ZSWIM6: variants seen among roughly 807,000 people sequenced by gnomAD.
ZSWIM6 encodes the protein zinc finger SWIM-type containing 6, also known as zinc finger SWIM domain-containing protein 6.
Under a neutral mutation model 113.2 loss-of-function variants are expected in ZSWIM6, and 9 were observed. That is an observed-to-expected ratio of 0.08 (90% CI 0.05 to 0.14). The LOEUF is 0.14. Among genes scored for constraint, ZSWIM6 ranks in the 10% least tolerant of loss-of-function variants. The pLI, the probability that ZSWIM6 is intolerant of heterozygous loss-of-function variation, is 1.00. For synonymous variants in ZSWIM6, 611 were observed against 606.5 expected (o/e 1.01, Z -0.11); for missense variants, 1,162 against 1,552.2 (o/e 0.75, Z 4.22).
chr5:61,425,720 A>G (rs555589927), intron 1 of ZSWIM6, among the ~76,000 whole-genome samples: 3 of 152,336 alleles, frequency 2.0e-5, no homozygotes, highest in Admixed American at 2.0e-4. Context: ...TTCATCAGAA[A>G]GAGAAGGCCA....
intron 1 of ZSWIM6, among the ~76,000 whole-genome samples, chr5:61,393,418 A>G (rs949150743): frequency 6.6e-6 from 1 of 152,188 alleles, no homozygotes; most frequent in Admixed American, 6.5e-5. Context: ...TTATTGGTGT[A>G]TTCATCTTGC....
chr5:61,413,224 C>T (rs1443638052), intron 1 of ZSWIM6, among the ~76,000 whole-genome samples: 1 of 141,538 alleles, frequency 7.1e-6, no homozygotes, highest in Non-Finnish European at 1.5e-5. Flanking sequence ...TTCCTGTGTC[C>T]ATGTGTTCTC....
At chr5:61,537,864 A>G (rs1450617427) in intron 10 of ZSWIM6, among the ~76,000 whole-genome samples, 1 of 152,216 alleles carries the variant, frequency 6.6e-6, no homozygotes, top group African/African-American at 2.4e-5. Context: ...TAGGTACTCT[A>G]CTAAGCTTTT....
At chr5:61,496,923 G>A (rs981820083) in intron 4 of ZSWIM6, among the ~76,000 whole-genome samples, 16 of 152,056 alleles carry the variant, frequency 1.1e-4, no homozygotes, top group African/African-American at 2.9e-4. Context: ...CATGTGCCAC[G>A]AATGAATCAT....
chr5:61,489,423 T>G (rs939767304), intron 2 of ZSWIM6, among the ~76,000 whole-genome samples: 1 of 151,886 alleles, frequency 6.6e-6, no homozygotes, highest in Non-Finnish European at 1.5e-5. Context: ...AAAGGAGAGT[T>G]TTTCAATTAG....
intron 3 of ZSWIM6, among the ~76,000 whole-genome samples, chr5:61,491,863 G>C (rs533738129): frequency 6.6e-6 from 1 of 151,804 alleles, no homozygotes; most frequent in Admixed American, 6.6e-5. Context: ...ACTGGGTATG[G>C]CCAGGAATAG....
At chr5:61,344,860 A>C (rs1208288124) in intron 1 of ZSWIM6, among the ~76,000 whole-genome samples, 1 of 152,242 alleles carries the variant, frequency 6.6e-6, no homozygotes, top group Non-Finnish European at 1.5e-5. Context: ...TTTCAGACAT[A>C]TTCTGTGCTG....
chr5:61,339,166 GT>G (rs1469282939), intron 1 of ZSWIM6, among the ~76,000 whole-genome samples: 2 of 152,322 alleles, frequency 1.3e-5, no homozygotes, highest in Non-Finnish European at 2.9e-5. Flanking sequence ...GGAATGACAT[GT>G]TTTGTTTTAT....
At chr5:61,373,212 G>C (rs955876336) in intron 1 of ZSWIM6, among the ~76,000 whole-genome samples, 1 of 151,914 alleles carries the variant, frequency 6.6e-6, no homozygotes, top group Non-Finnish European at 1.5e-5. Context: ...CTTCCAAAGT[G>C]CTTGGGATTA....
intron 1 of ZSWIM6, chr5:61,391,716 GC>G: frequency 8.7e-7 from 1 of 1,152,652 alleles, no homozygotes; most frequent in Non-Finnish European, 1.3e-6. Flanking sequence ...TGTTGGTCAT[GC>G]CAGCCTTGTA....
intron 1 of ZSWIM6, among the ~76,000 whole-genome samples, chr5:61,378,535 G>A (rs544281879): frequency 6.6e-6 from 1 of 152,042 alleles, no homozygotes; most frequent in African/African-American, 2.4e-5. Context: ...GAGGGACAAG[G>A]ACACCCTTTA....
At chr5:61,451,628 G>A (rs1216180262) in intron 1 of ZSWIM6, among the ~76,000 whole-genome samples, 1 of 152,168 alleles carries the variant, frequency 6.6e-6, no homozygotes, top group Non-Finnish European at 1.5e-5. Context: ...TGGCAATAAA[G>A]ATAGAGGAAA....
chr5:61,519,294 C>A (rs1481158560), intron 4 of ZSWIM6, among the ~76,000 whole-genome samples: 2 of 152,144 alleles, frequency 1.3e-5, no homozygotes, highest in Non-Finnish European at 2.9e-5. Flanking sequence ...TCAGAGATCC[C>A]CGTTTCCACC....
chr5:61,509,460 A>G (rs371563083), intron 4 of ZSWIM6, among the ~76,000 whole-genome samples: 49 of 152,300 alleles, frequency 3.2e-4, no homozygotes, highest in African/African-American at 1.2e-3. Context: ...GCACATAGAG[A>G]AAATGTTCAG....
At chr5:61,487,585 T>A (rs1484106044) in intron 2 of ZSWIM6, among the ~76,000 whole-genome samples, 2 of 152,104 alleles carry the variant, frequency 1.3e-5, no homozygotes, top group Admixed American at 6.6e-5. Context: ...TTTATAGTTT[T>A]TTTGTAGAAA....
Position 61,498,037 on chromosome 5 carries a change from C to T in ZSWIM6, c.1333+3627C>T, listed in dbSNP as rs148109438. On this transcript the variant is annotated intron_variant, in intron 4 of 13. Transcript: ENST00000252744. ...GAGGGGATACACTGTAACCTCGCATCTGTGTTGATGGCTCTCTTTTCTTAA... is the reference window on the plus strand; with the variant it reads ...GAGGGGATACACTGTAACCTCGCATTTGTGTTGATGGCTCTCTTTTCTTAA... 7.2e-5 allele frequency among the ~76,000 whole-genome samples: 11 copies of T among 152,286 alleles called. No individual in the cohort carries two copies. The East Asian group carries it at 1.9e-3, about 27-fold the overall frequency.
At position 61,332,631 on chromosome 5, in the gene ZSWIM6, A is replaced by G. The variant is rs1339694314; in HGVS notation, c.359A>G (p.Glu120Gly). The G allele has an allele frequency of 8.1e-7, 1 of 1,238,880 alleles. No individual in the cohort carries two copies. The highest frequency in any genetic ancestry group is 1.0e-6 in the Non-Finnish European group (1 of 958,286). The allele number at this position is 1,238,880 out of a possible 1,614,324, so 76.7% of individuals were successfully genotyped here. ...VYWSFPRSER[E>G]ICMYSSFNTG... Reference sequence around the variant, plus strand: ...TGGTCCTTCCCCCGCAGCGAGCGGGAGATCTGCATGTACTCGTCCTTCAAC... The same window carrying G: ...TGGTCCTTCCCCCGCAGCGAGCGGGGGATCTGCATGTACTCGTCCTTCAAC... Residue 120 changes from glutamate (E) to glycine (G), a missense_variant, in exon 1 of 14, where the codon GAG (glutamate) becomes GGG (glycine). This residue lies in a region of ZSWIM6 where 333 missense variants were observed against 293.4 expected (regional missense o/e 1.13). Coordinates refer to ENST00000252744, the MANE Select transcript of ZSWIM6 (RefSeq NM_020928.2).
At chr5:61,492,270 T>C (rs962616153) in intron 3 of ZSWIM6, among the ~76,000 whole-genome samples, 2 of 152,086 alleles carry the variant, frequency 1.3e-5, no homozygotes, top group Admixed American at 1.3e-4. Context: ...ACAGGAAGTA[T>C]TTCATATATT....
intron 1 of ZSWIM6, among the ~76,000 whole-genome samples, chr5:61,352,065 C>T (rs1160719922): frequency 6.6e-6 from 1 of 152,184 alleles, no homozygotes. Flanking sequence ...ATGGTCTGGC[C>T]TGGACCCTCA....
Sources: allele counts gnomAD v4.1 joint callset (sites outside exome capture counted in the v4.1 genomes callset), GRCh38; gene constraint gnomAD v4.1.1; regional missense constraint gnomAD v4.1.1; transcripts MANE v1.5; gene names NCBI Gene and HGNC (gene_info 2026-07-23, HGNC 2026-07-21).